The following PRR14L variants were observed in gnomAD, a reference collection of about 807,000 sequenced individuals.
PRR14L encodes the protein protein PRR14L.
A neutral mutation model predicts 155.0 loss-of-function variants in PRR14L; 80 were observed. The ratio of observed to expected loss-of-function variants is 0.52; its 90% confidence interval spans 0.43 to 0.62. The LOEUF (loss-of-function observed/expected upper bound fraction) is 0.62, where lower values mean the gene tolerates loss of function less well. Ranked by LOEUF, PRR14L falls within the 20% of genes least tolerant of loss-of-function variation. The pLI, the probability that PRR14L is intolerant of heterozygous loss-of-function variation, is 0.00. For missense variants in PRR14L, 2,469 were observed against 2,548.0 expected (o/e 0.97, Z 0.67); for synonymous variants, 883 against 916.0 (o/e 0.96, Z 0.65).
At chr22:31,700,324 G>A (rs895007037) in intron 7 of PRR14L, among the ~76,000 whole-genome samples, 1 of 151,990 alleles carries the variant, frequency 6.6e-6, no homozygotes, top group African/African-American at 2.4e-5. Flanking sequence ...TATTTCATTC[G>A]AGTAATAAAT....
intron 2 of PRR14L, among the ~76,000 whole-genome samples, chr22:31,736,218 CAAA>C (rs1212304644): frequency 2.4e-5 from 2 of 84,884 alleles, no homozygotes; most frequent in Admixed American, 1.3e-4. Context: ...GACTCCATCT[CAAA>C]AAAAAAAAAA....
intron 4 of PRR14L, among the ~76,000 whole-genome samples, chr22:31,709,011 T>A (rs1409972472): frequency 1.3e-5 from 2 of 151,736 alleles, no homozygotes; most frequent in Non-Finnish European, 2.9e-5. Flanking sequence ...TTAGTAGAGA[T>A]GGGGTTTCTC....
intron 5 of PRR14L, 57 bp from the exon 6 acceptor site, chr22:31,703,778 A>C: frequency 9.2e-7 from 1 of 1,084,604 alleles, no homozygotes; most frequent in Non-Finnish European, 1.3e-6. Flanking sequence ...CTTCCAGCAC[A>C]TTCAACTTCT....
In PRR14L at chr22:31,685,475, C is replaced by G; in HGVS notation, c.*52G>C. 7.9e-7 allele frequency: 1 copy of G among 1,270,192 alleles called. No individual in the cohort carries two copies. Among genetic ancestry groups the G allele is most frequent in the Non-Finnish European group, 1.0e-6 (1 of 953,282 alleles). The allele number at this position is 1,270,192 out of a possible 1,614,324, so 78.7% of individuals were successfully genotyped here. On this transcript the variant is annotated 3_prime_UTR_variant, in exon 9 of 9. Coordinates refer to ENST00000327423, the MANE Select transcript of PRR14L (RefSeq NM_173566.3). ...CAAAAAAAAAAAAAAAACCCAAAAA[C>G]AAAACAAAACAAAAAAACCCTAAAA...
At position 31,714,360 on chromosome 22, in the gene PRR14L, G is replaced by A. The variant is rs1170169283; in HGVS notation, c.3479C>T (p.Ala1160Val). The A allele has an allele frequency of 2.6e-6, 4 of 1,551,498 alleles. No homozygotes were observed. Among genetic ancestry groups the A allele is most frequent in the Non-Finnish European group, 3.5e-6 (4 of 1,146,972 alleles). ...TATTCTTTTATTTGGTTCATGATCTGCAACAGACTCCATCTCATGGGCACA... is the reference window on the plus strand; with the variant it reads ...TATTCTTTTATTTGGTTCATGATCTACAACAGACTCCATCTCATGGGCACA... ...DSCAHEMESVADHEPNKRILG... is the reference protein window; with the variant it reads ...DSCAHEMESVVDHEPNKRILG... The change falls in exon 4 of 9, where the codon GCA becomes GTA. Residue 1160 changes from alanine (A) to valine (V), a missense_variant. Ala to Val is a moderately conservative substitution (Grantham distance 64, BLOSUM62 0). Coordinates refer to ENST00000327423, the MANE Select transcript of PRR14L (RefSeq NM_173566.3).
intron 2 of PRR14L, among the ~76,000 whole-genome samples, chr22:31,728,067 C>A (rs550253298): frequency 6.6e-6 from 1 of 151,902 alleles, no homozygotes; most frequent in Non-Finnish European, 1.5e-5. Flanking sequence ...CCCCCAACAG[C>A]CTTACCATGG....
At chr22:31,699,247 A>T (rs1465290957) in intron 7 of PRR14L, among the ~76,000 whole-genome samples, 3 of 152,112 alleles carry the variant, frequency 2.0e-5, no homozygotes. Context: ...CATGTTGGCC[A>T]GGCTGGTCTC....
chr22:31,704,758 G>A, intron 4 of PRR14L, 32 bp from the exon 5 acceptor site: 3 of 1,550,036 alleles, frequency 1.9e-6, no homozygotes, highest in South Asian at 1.1e-5. Flanking sequence ...AAAGCAATAG[G>A]TAAGGGCAGT....
chr22:31,688,209 A>C lies in PRR14L; in HGVS notation c.6126T>G (p.Phe2042Leu). 3 of 1,600,698 alleles carry C rather than the reference A, an allele frequency of 1.9e-6. No homozygotes were observed. Among genetic ancestry groups the C allele is most frequent in the Non-Finnish European group, 2.6e-6 (3 of 1,174,348 alleles). The change falls in exon 8 of 9, where the codon TTT becomes TTG. Residue 2042 changes from phenylalanine to leucine, a missense_variant. Around this residue, in one of 2 missense-constraint regions of PRR14L, gnomAD observed 106 missense variants for 176.4 expected, o/e 0.60. Transcript: ENST00000327423. ...PRPKRLKKKE[F>L]SLEEIYTNKN... ...TGTTGGTATATATCTCTTCTAAACT[A>C]AACTCCTTCTTCTTTAACCTGAAAA...
At chr22:31,721,815 A>G (rs1199502770) in intron 3 of PRR14L, among the ~76,000 whole-genome samples, 1 of 152,230 alleles carries the variant, frequency 6.6e-6, no homozygotes, top group Non-Finnish European at 1.5e-5. Flanking sequence ...CATGCACATT[A>G]CATATCAATT....
chr22:31,712,533 G>A lies in PRR14L; in HGVS notation c.5306C>T (p.Ser1769Phe), dbSNP rs1246047084. Residue 1769 changes from serine to phenylalanine, a missense_variant, in exon 4 of 9, where the codon TCC (serine) becomes TTC (phenylalanine). Physicochemically the swap from Ser to Phe is radical, Grantham distance 155. This residue lies in a region of PRR14L where 2,363 missense variants were observed against 2,371.6 expected (regional missense o/e 1.00). Transcript: ENST00000327423. Reference sequence around the variant, plus strand: ...TGTTGCCATCCCAGGGCAACCGTGGGACAAGAAGAAAGAAAAGGTCCACTT... The same window carrying A: ...TGTTGCCATCCCAGGGCAACCGTGGAACAAGAAGAAAGAAAAGGTCCACTT... ...PPKWTFSFFL[S>F]HGCPGMATFR... is the part of the protein sequence containing the mutation. The A allele has an allele frequency of 6.4e-7, 1 of 1,551,672 alleles. No homozygotes were observed. Among genetic ancestry groups the A allele is most frequent in the East Asian group, 2.4e-5 (1 of 40,926 alleles).
intron 3 of PRR14L, among the ~76,000 whole-genome samples, chr22:31,723,976 T>A (rs1434061492): frequency 6.6e-6 from 1 of 152,202 alleles, no homozygotes; most frequent in Non-Finnish European, 1.5e-5. Flanking sequence ...TTACAGCTGC[T>A]CCTCATGCTT....
rs131238 is a variant in PRR14L, at chr22:31,726,208, G to C, written c.475-598C>G. Among the ~76,000 whole-genome samples the C allele has an allele frequency of 4.7e-3, 709 of 151,916 alleles. 3 individuals carry two copies. The highest frequency in any genetic ancestry group is 0.016 in the African/African-American group (666 of 41,452). On this transcript the variant is annotated intron_variant, in intron 2 of 8. Coordinates refer to ENST00000327423, the MANE Select transcript of PRR14L (RefSeq NM_173566.3). ...AGACTGTGCGCGCTGTCAGCTCACT[G>C]CAACTTCTGCCTCATGGGTTCAAGC...
rs2074663635 is a variant in PRR14L at position 31,716,916 on chromosome 22, G to A, written c.923C>T (p.Ala308Val). The change falls in exon 4 of 9, where the codon GCA becomes GTA. Residue 308 changes from alanine (A) to valine (V), a missense_variant. Ala to Val is a moderately conservative substitution (Grantham distance 64). Coordinates refer to ENST00000327423, the MANE Select transcript of PRR14L (RefSeq NM_173566.3). ...ATGAAGCTGTTGGTGATTGTCATCT[G>A]CTTCACAGACCAGGTTTGGTTTACA... is the stretch of plus-strand genomic sequence containing the variant. The part of the protein sequence containing the change: ...ELCKPNLVCE[A>V]DDNHQQLHGH... 6.4e-7 allele frequency: 1 copy of A among 1,552,036 alleles called. No homozygotes were observed. The highest frequency in any genetic ancestry group is 1.4e-5 in the African/African-American group (1 of 73,162).
At chr22:31,704,805 T>G in intron 4 of PRR14L, 79 bp from the exon 5 acceptor site, 2 of 1,072,394 alleles carry the variant, frequency 1.9e-6, no homozygotes, top group East Asian at 2.4e-5. Flanking sequence ...ATTGTGGGTA[T>G]TAGCACATGA....
chr22:31,724,400 C>T (rs761710461), intron 3 of PRR14L, among the ~76,000 whole-genome samples: 8 of 152,172 alleles, frequency 5.3e-5, no homozygotes, highest in Non-Finnish European at 1.0e-4. Context: ...TTCACTTTAT[C>T]TTCTCTTTGT....
intron 1 of PRR14L, among the ~76,000 whole-genome samples, chr22:31,747,365 C>T (rs554854309): frequency 2.7e-5 from 4 of 150,766 alleles, no homozygotes; most frequent in Admixed American, 2.0e-4. Context: ...CCACCCGCCT[C>T]GGCCTCCCAA....
rs550408748 is a variant in PRR14L at position 31,725,477 on chromosome 22, C to T, written c.547+61G>A. On this transcript the variant is annotated intron_variant, in intron 3 of 8. Transcript: ENST00000327423. The stretch of plus-strand genomic sequence containing the variant: ...TTATATTCTCAATGCAAAATGGAAG[C>T]GGAACTAAAACAGTATTTGCAGTAA... 85 of 1,111,766 alleles carry T rather than the reference C, an allele frequency of 7.6e-5. 2 individuals carry two copies. Among genetic ancestry groups the T allele is most frequent in the South Asian group, 7.5e-4 (56 of 74,538 alleles). 68.9% of individuals were successfully genotyped at this position (1,111,766 alleles called of 1,614,324 possible).
intron 7 of PRR14L, among the ~76,000 whole-genome samples, chr22:31,696,941 CCT>C (rs1166947635): frequency 2.6e-5 from 4 of 152,054 alleles, no homozygotes; most frequent in Non-Finnish European, 4.4e-5. Context: ...ATGGTGAAAC[CCT>C]GTCTCTACTA....
Sources: gnomAD v4.1 joint callset for allele counts (sites outside exome capture counted in the v4.1 genomes callset) on GRCh38, gnomAD v4.1.1 for gene constraint, gnomAD v4.1.1 regional missense constraint, MANE v1.5 for transcripts, NCBI Gene and HGNC (gene_info 2026-07-23, HGNC 2026-07-21) for gene names.